KIF26B: variants seen among roughly 807,000 people sequenced by gnomAD.
KIF26B encodes the protein kinesin family member 26B.
KIF26B carries 63 observed loss-of-function variants against 151.2 expected under a neutral mutation model. The observed-to-expected ratio is 0.42, with a 90% CI of 0.34 to 0.51. The LOEUF (loss-of-function observed/expected upper bound fraction) is 0.51. Ranked by LOEUF, KIF26B falls within the 20% of genes least tolerant of loss-of-function variation. The pLI, the probability that KIF26B is intolerant of heterozygous loss-of-function variation, is 0.07. For missense variants in KIF26B, 2,813 were observed against 2,913.6 expected (o/e 0.97, Z 0.79); for synonymous variants, 1,357 against 1,262.1 (o/e 1.08, Z -1.59).
Position 245,485,438 on chromosome 1 carries a change from C to T in KIF26B, c.1167-55329C>T, listed in dbSNP as rs142830843. Among the ~76,000 whole-genome samples the T allele has an allele frequency of 3.1e-3, 454 of 146,556 alleles. 4 individuals carry two copies. The highest frequency in any genetic ancestry group is 9.6e-3 in the African/African-American group (382 of 39,862). On this transcript the variant is annotated intron_variant, in intron 4 of 14. Transcript: ENST00000407071. ...TCGCTCTGTCACCCAGGCTGGAGTG[C>T]AATGGCGTGATCTCGGCTCACTGCA...
At chr1:245,370,875 G>A (rs1455489525) in intron 3 of KIF26B, among the ~76,000 whole-genome samples, 1 of 152,190 alleles carries the variant, frequency 6.6e-6, no homozygotes, top group Non-Finnish European at 1.5e-5. Flanking sequence ...CAAGTACCAG[G>A]CACTGTGCTA....
At chr1:245,297,501 T>C (rs1239993425) in intron 2 of KIF26B, among the ~76,000 whole-genome samples, 2 of 152,224 alleles carry the variant, frequency 1.3e-5, no homozygotes, top group Non-Finnish European at 2.9e-5. Flanking sequence ...TTCTTTCTAC[T>C]GCCATACACT....
chr1:245,698,920 C>T lies in KIF26B; in HGVS notation c.6061C>T (p.Leu2021=). The T allele has an allele frequency of 6.2e-7, 1 of 1,614,006 alleles. No individual in the cohort carries two copies. Among genetic ancestry groups the T allele is most frequent in the Non-Finnish European group, 8.5e-7 (1 of 1,179,890 alleles). ...GTGCTTCAATGCAAAGCTGAAGATT[C>T]TGGAACACCGCCAGCAGAGGATCGC... The part of the protein sequence containing the change: ...AMCFNAKLKI[L]EHRQQRIAEV... The change falls in exon 14 of 15, where the codon CTG becomes TTG. Residue 2021 remains leucine (L), a synonymous_variant. Transcript: ENST00000407071. This position sits in a 1 kb window ranked among gnomAD's most constrained non-coding sequence, Gnocchi z 4.0.
chr1:245,299,325 T>TG (rs1427722496), intron 2 of KIF26B, among the ~76,000 whole-genome samples: 40 of 148,628 alleles, frequency 2.7e-4, no homozygotes, highest in Admixed American at 4.7e-4. Context: ...TCTGGGTTTT[T>TG]TTTTTTTTTT....
At chr1:245,697,284 C>T (rs1215826273) in intron 12 of KIF26B, among the ~76,000 whole-genome samples, 1 of 152,172 alleles carries the variant, frequency 6.6e-6, no homozygotes, top group African/African-American at 2.4e-5. Context: ...GTTTAGTCTC[C>T]ATTCTGGGAG....
intron 5 of KIF26B, among the ~76,000 whole-genome samples, chr1:245,575,031 AT>A (rs1483702363): frequency 6.6e-6 from 1 of 150,408 alleles, no homozygotes; most frequent in Non-Finnish European, 1.5e-5. Flanking sequence ...CACCCGGCTA[AT>A]TTTTTTGTAT....
At chr1:245,484,688 C>T (rs61829896) in intron 4 of KIF26B, among the ~76,000 whole-genome samples, 3,344 of 111,162 alleles carry the variant, frequency 0.03, 114 homozygotes, top group Non-Finnish European at 0.051. Flanking sequence ...AGCTGCTTCT[C>T]CTCCTTCTTC....
intron 9 of KIF26B, among the ~76,000 whole-genome samples, chr1:245,624,972 T>C (rs894003083): frequency 3.9e-5 from 6 of 152,116 alleles, no homozygotes; most frequent in Non-Finnish European, 8.8e-5. Flanking sequence ...TGTTTTTTTG[T>C]GTGTGTGTAT....
Position 245,706,901 on chromosome 1 carries a change from T to G in KIF26B, c.*4295T>G, listed in dbSNP as rs957608514. The G allele has an allele frequency of 6.6e-6, 1 of 152,156 alleles. No homozygotes were observed. The highest frequency in any genetic ancestry group is 2.4e-5 in the African/African-American group (1 of 41,424). The allele number at this position is 152,156 out of a possible 1,614,324, so 9.4% of individuals were successfully genotyped here. A position where few individuals can be genotyped will look rare whatever the true frequency, so the allele number is the denominator to read the frequency against. ...CAAGTAAATGGGTCTCAAATTTTGG[T>G]GGGGGCAGTGTTTCTTTGGATTCTG... is the stretch of plus-strand genomic sequence containing the variant. On this transcript the variant is annotated 3_prime_UTR_variant, in exon 15 of 15. Coordinates refer to ENST00000407071, the MANE Select transcript of KIF26B (RefSeq NM_018012.4).
At chr1:245,173,531 A>C (rs546102374) in intron 2 of KIF26B, among the ~76,000 whole-genome samples, 3 of 152,084 alleles carry the variant, frequency 2.0e-5, no homozygotes, top group Non-Finnish European at 4.4e-5. Context: ...AAGCAGTCTC[A>C]CGTTTGATCC....
intron 5 of KIF26B, among the ~76,000 whole-genome samples, chr1:245,548,761 A>T (rs1365526874): frequency 9.1e-5 from 6 of 65,958 alleles, no homozygotes; most frequent in East Asian, 6.4e-4. Context: ...TTTTTTTTTA[A>T]AAACAGGGTT....
intron 2 of KIF26B, among the ~76,000 whole-genome samples, chr1:245,309,178 A>G (rs757391046): frequency 6.6e-6 from 1 of 152,162 alleles, no homozygotes; most frequent in African/African-American, 2.4e-5. Context: ...TGCCTGGAAT[A>G]CCAGGGATTA....
At chr1:245,519,672 C>T (rs1048892129) in intron 4 of KIF26B, among the ~76,000 whole-genome samples, 12 of 152,086 alleles carry the variant, frequency 7.9e-5, no homozygotes, top group Admixed American at 2.6e-4. Flanking sequence ...ATGGAGTGTA[C>T]TTCCACAAAT....
At chr1:245,674,644 G>A (rs2044334964) in intron 10 of KIF26B, among the ~76,000 whole-genome samples, 1 of 152,178 alleles carries the variant, frequency 6.6e-6, no homozygotes, top group South Asian at 2.1e-4. Context: ...TCAAAGTGAT[G>A]ACATTCCAAC....
At chr1:245,596,589 G>A (rs887687181) in intron 5 of KIF26B, among the ~76,000 whole-genome samples, 72 of 152,248 alleles carry the variant, frequency 4.7e-4, no homozygotes, top group African/African-American at 1.7e-3. Flanking sequence ...CAGAATATGT[G>A]GTGCTGAGAA....
At chr1:245,217,782 C>G (rs539667180) in intron 2 of KIF26B, among the ~76,000 whole-genome samples, 2 of 152,272 alleles carry the variant, frequency 1.3e-5, no homozygotes, top group South Asian at 4.2e-4. Context: ...ATGATTATCT[C>G]CATCTTTCAG....
At chr1:245,270,305 TCCCTTCCCCTCCTTCA>T (rs1670834985) in intron 2 of KIF26B, among the ~76,000 whole-genome samples, 2 of 96,292 alleles carry the variant, frequency 2.1e-5, no homozygotes, top group African/African-American at 4.2e-5. Context: ...CCTTCCATCT[TCCCTTCCCCTCCTTCA>T]CTTCCTTTTT....
At chr1:245,536,418 A>G (rs1661488691) in intron 4 of KIF26B, among the ~76,000 whole-genome samples, 1 of 152,186 alleles carries the variant, frequency 6.6e-6, no homozygotes, top group African/African-American at 2.4e-5. Context: ...TAAAATTTAC[A>G]TTCTAGAGGG....
chr1:245,462,167 G>T (rs148088793), intron 4 of KIF26B, among the ~76,000 whole-genome samples: 97 of 152,178 alleles, frequency 6.4e-4, no homozygotes, highest in African/African-American at 2.0e-3. Context: ...AAGAAGAAAT[G>T]TAAGTTTAGG....
Sources: allele counts gnomAD v4.1 joint callset (sites outside exome capture counted in the v4.1 genomes callset), GRCh38; gene constraint gnomAD v4.1.1; non-coding constraint Gnocchi (gnomAD v3.1); transcripts MANE v1.5; gene names NCBI Gene and HGNC (gene_info 2026-07-23, HGNC 2026-07-21).